MACF1: variants seen among roughly 807,000 people sequenced by gnomAD.
The protein encoded by MACF1 is microtubule actin crosslinking factor 1, also known as microtubule-actin cross-linking factor 1.
Under a neutral mutation model 854.8 loss-of-function variants are expected in MACF1, and 193 were observed. The ratio of observed to expected loss-of-function variants is 0.23; its 90% CI spans 0.20 to 0.25. The LOEUF is 0.25. Ranked by LOEUF, MACF1 falls within the 10% of genes least tolerant of loss-of-function variation. The pLI is 1.00. For synonymous variants in MACF1, 3,185 were observed against 3,226.7 expected (o/e 0.99, Z 0.44); for missense variants, 7,722 against 8,929.1 (o/e 0.86, Z 5.45).
At chr1:39,230,805 A>C (rs904243926) in intron 1 of MACF1, among the ~76,000 whole-genome samples, 23 of 152,238 alleles carry the variant, frequency 1.5e-4, no homozygotes, top group African/African-American at 5.3e-4. Flanking sequence ...AAATTTAACC[A>C]CTGCAATATG....
intron 71 of MACF1, 90 bp downstream of exon 71, chr1:39,438,098 C>G (rs757820208): frequency 8.1e-7 from 1 of 1,236,182 alleles, no homozygotes; most frequent in Non-Finnish European, 1.1e-6. Flanking sequence ...TTATTTATTT[C>G]TTTGAATGTA....
chr1:39,360,001 AAAAAAAAAAAAATATATATATATATATAT>A lies in MACF1; in HGVS notation c.12244+739_12245-762del, dbSNP rs1219753297. 2.8e-4 allele frequency among the ~76,000 whole-genome samples: 20 copies of A among 70,686 alleles called. 1 individual carries two copies. Among genetic ancestry groups the A allele is most frequent in the African/African-American group, 1.3e-3 (20 of 15,168 alleles). The allele number at this position is 70,686 out of a possible 152,430, so 46.4% of individuals were successfully genotyped here. On this transcript the variant is annotated intron_variant, in intron 47 of 100. Coordinates refer to ENST00000564288, the MANE Select transcript of MACF1 (RefSeq NM_001394062.1). ...GACTCCGTCTCAAAAAAAAAAAAAA[AAAAAAAAAAAAATATATATATATATATAT>A]ATATATATATATATATATATATACA... is the stretch of plus-strand genomic sequence containing the variant.
chr1:39,144,656 C>T (rs1571096514), intron 2 of MACF1, among the ~76,000 whole-genome samples: 1 of 146,572 alleles, frequency 6.8e-6, no homozygotes, highest in South Asian at 2.1e-4. Context: ...CAATTTTGGT[C>T]TTTTTTTTTT....
At chr1:39,412,813 G>C in intron 58 of MACF1, 1 of 1,612,558 alleles carries the variant, frequency 6.2e-7, no homozygotes, top group Non-Finnish European at 8.5e-7. Context: ...CCTAGATGCT[G>C]CACTGCCCAG....
At chr1:39,405,591 G>T (rs562315962) in intron 58 of MACF1, among the ~76,000 whole-genome samples, 1 of 152,198 alleles carries the variant, frequency 6.6e-6, no homozygotes. Flanking sequence ...GACTCCACCC[G>T]GCTGTCTTTC....
rs543471220 is a variant in MACF1, at chr1:39,210,379, T to A, written c.109+5248T>A. 3.8e-3 allele frequency among the ~76,000 whole-genome samples: 550 copies of A among 146,090 alleles called. 2 individuals are homozygous for A. Among genetic ancestry groups the A allele is most frequent in the East Asian group, 7.3e-3 (37 of 5,070 alleles). On this transcript the variant is annotated intron_variant, in intron 1 of 100. Coordinates refer to ENST00000564288, the MANE Select transcript of MACF1 (RefSeq NM_001394062.1). ...GTCTTTTCCATTCCTTTCCTTTTTT[T>A]AAAAAAAAAAAAGAGACGAGGTTTT...
At chr1:39,258,208 G>A (rs1198253045) in intron 6 of MACF1, among the ~76,000 whole-genome samples, 180 bp downstream of exon 6, 3 of 152,190 alleles carry the variant, frequency 2.0e-5, no homozygotes, top group Admixed American at 6.5e-5. Context: ...TATCGTAAAC[G>A]CAAAACTTCC....
At chr1:39,478,357 G>T (rs1389529326) in intron 97 of MACF1, among the ~76,000 whole-genome samples, 1 of 152,126 alleles carries the variant, frequency 6.6e-6, no homozygotes, top group African/African-American at 2.4e-5. Flanking sequence ...ATCATGGAAG[G>T]AAACAGCTTA....
At chr1:39,146,703 G>C (rs983168786) in intron 2 of MACF1, among the ~76,000 whole-genome samples, 7 of 151,992 alleles carry the variant, frequency 4.6e-5, no homozygotes, top group African/African-American at 1.7e-4. Context: ...AGTTGGGAAG[G>C]GGGGATGGGG....
chr1:39,151,365 A>G (rs573366157), intron 2 of MACF1, among the ~76,000 whole-genome samples: 3 of 152,200 alleles, frequency 2.0e-5, no homozygotes, highest in Admixed American at 1.3e-4. Context: ...CCTTTTCGTT[A>G]CTGCCAGAAT....
At chr1:39,096,243 C>G (rs1191432488) in intron 2 of MACF1, among the ~76,000 whole-genome samples, 1 of 148,332 alleles carries the variant, frequency 6.7e-6, no homozygotes, top group Non-Finnish European at 1.5e-5. Context: ...GAAAAAGAAA[C>G]AGGTGAAAGG....
chr1:39,458,342 T>C, intron 89 of MACF1, 28 bp from the exon 90 acceptor site: 3 of 1,609,950 alleles, frequency 1.9e-6, no homozygotes, highest in South Asian at 1.1e-5. Flanking sequence ...AATATTTAAC[T>C]CTTTTTCCTA....
chr1:39,430,567 G>C (rs1264763546), intron 65 of MACF1, 135 bp from the exon 66 acceptor site: 1 of 690,796 alleles, frequency 1.4e-6, no homozygotes, highest in Non-Finnish European at 2.5e-6. Context: ...AATCTGAGAT[G>C]AGAAAAAAAT....
intron 19 of MACF1, 46 bp from the exon 20 acceptor site, chr1:39,295,741 G>A (rs898977665): frequency 1.5e-6 from 2 of 1,376,768 alleles, no homozygotes; most frequent in Non-Finnish European, 2.0e-6. Flanking sequence ...TATATATTGA[G>A]TCTGTTAAAC....
At chr1:39,190,469 C>A (rs1644242114) in intron 2 of MACF1, among the ~76,000 whole-genome samples, 1 of 127,552 alleles carries the variant, frequency 7.8e-6, no homozygotes, top group Non-Finnish European at 1.6e-5. Flanking sequence ...GCGTGAGTAG[C>A]TGGGACTACA....
At chr1:39,338,758 GGT>G (rs1409837722) in intron 38 of MACF1, among the ~76,000 whole-genome samples, 1 of 152,162 alleles carries the variant, frequency 6.6e-6, no homozygotes, top group Non-Finnish European at 1.5e-5. Flanking sequence ...CTCCCGCTAT[GGT>G]TTGACCAGCC....
chr1:39,340,778 A>G (rs755705400), intron 39 of MACF1, 26 bp from the exon 40 acceptor site: 1 of 1,611,944 alleles, frequency 6.2e-7, no homozygotes, highest in Non-Finnish European at 8.5e-7. Context: ...AGATTTTCAT[A>G]ATGTGATTTT....
At chr1:39,194,774 C>G (rs1213236042) in intron 2 of MACF1, among the ~76,000 whole-genome samples, 4 of 150,736 alleles carry the variant, frequency 2.7e-5, no homozygotes, top group Non-Finnish European at 5.9e-5. Context: ...TCACTGTGGC[C>G]TGAAACTCCT....
intron 2 of MACF1, among the ~76,000 whole-genome samples, chr1:39,190,029 G>A (rs1232941622): frequency 1.3e-5 from 2 of 152,122 alleles, no homozygotes; most frequent in Admixed American, 6.6e-5. Context: ...GTAGTTAAAC[G>A]ATCCTGAAGT....
Sources: gnomAD v4.1 joint callset for allele counts (sites outside exome capture counted in the v4.1 genomes callset) on GRCh38, gnomAD v4.1.1 for gene constraint, MANE v1.5 for transcripts, NCBI Gene and HGNC (gene_info 2026-07-23, HGNC 2026-07-21) for gene names.